GCFC2: variants seen among roughly 807,000 people sequenced by gnomAD.
GCFC2 encodes GC-rich sequence DNA-binding factor 2.
In GCFC2, 102 loss-of-function variants were observed where a neutral mutation model predicts 99.4. The ratio of observed to expected loss-of-function variants is 1.03; its 90% CI spans 0.87 to 1.21. The LOEUF (loss-of-function observed/expected upper bound fraction) is 1.21, where lower values mean the gene tolerates loss of function less well. Ranked by LOEUF, GCFC2 falls within the 50% of genes most tolerant of loss-of-function variation. GCFC2 has a pLI of 0.00. For synonymous variants in GCFC2, 338 were observed against 316.8 expected (o/e 1.07, Z -0.71); for missense variants, 973 against 920.9 (o/e 1.06, Z -0.73).
chr2:75,671,898 T>C lies in GCFC2; in HGVS notation c.1956+52A>G, dbSNP rs1025057513. 2.0e-5 allele frequency: 17 copies of C among 850,180 alleles called. No homozygotes were observed. In the Admixed American group the frequency reaches 2.4e-4, roughly 12 times the overall value. 52.7% of individuals were successfully genotyped at this position (850,180 alleles called of 1,614,324 possible). On this transcript the variant is annotated intron_variant, in intron 14 of 16. Coordinates refer to ENST00000321027, the MANE Select transcript of GCFC2 (RefSeq NM_003203.5). ...AAGTTTGTTGTTCTTTGTTCTATAG[T>C]AAACAGGATTTTTACAAAAATTGCC...
intron 15 of GCFC2, among the ~76,000 whole-genome samples, chr2:75,668,417 C>G (rs1678945620): frequency 6.6e-6 from 1 of 152,180 alleles, no homozygotes. Context: ...TTGCTACAAC[C>G]TTTTCCCTGT....
At chr2:75,667,687 T>A (rs1044822038) in intron 15 of GCFC2, among the ~76,000 whole-genome samples, 2 of 152,190 alleles carry the variant, frequency 1.3e-5, no homozygotes, top group African/African-American at 4.8e-5. Context: ...AAATTCTCAT[T>A]TAACCATGTA....
At chr2:75,688,206 A>C (rs1017340521) in intron 10 of GCFC2, among the ~76,000 whole-genome samples, 1 of 152,208 alleles carries the variant, frequency 6.6e-6, no homozygotes, top group Non-Finnish European at 1.5e-5. Context: ...ATTCAATCAC[A>C]CAACAAACAC....
chr2:75,682,297 G>A (rs1017504645), intron 11 of GCFC2, among the ~76,000 whole-genome samples: 8 of 151,872 alleles, frequency 5.3e-5, no homozygotes, highest in Non-Finnish European at 7.4e-5. Flanking sequence ...TGATACCCAG[G>A]CAAACAGGGT....
chr2:75,664,432 G>A lies in GCFC2; in HGVS notation c.*234C>T, dbSNP rs1385083127. On this transcript the variant is annotated 3_prime_UTR_variant, in exon 17 of 17. Coordinates refer to ENST00000321027, the MANE Select transcript of GCFC2 (RefSeq NM_003203.5). ...AGCCAAAAGAATCAAAGGGAAACAC[G>A]TTGAGCTCTTAAAGCTCCAGTGCAT... 7.5e-6 allele frequency: 2 copies of A among 268,428 alleles called. No homozygotes were observed. Among genetic ancestry groups the A allele is most frequent in the Non-Finnish European group, 6.9e-6 (1 of 144,104 alleles). 16.6% of individuals were successfully genotyped at this position (268,428 alleles called of 1,614,324 possible).
At chr2:75,682,941 A>T (rs1269689314) in intron 11 of GCFC2, among the ~76,000 whole-genome samples, 1 of 151,906 alleles carries the variant, frequency 6.6e-6, no homozygotes, top group Non-Finnish European at 1.5e-5. Flanking sequence ...ATATGGGACT[A>T]TGTGAAAAGA....
chr2:75,665,851 A>C, intron 16 of GCFC2, 78 bp downstream of exon 16: 1 of 890,812 alleles, frequency 1.1e-6, no homozygotes, highest in African/African-American at 1.7e-5. Context: ...GTAAAAATAC[A>C]AATCTTTCTA....
chr2:75,697,401 A>G (rs927958028), intron 4 of GCFC2, among the ~76,000 whole-genome samples: 5 of 152,226 alleles, frequency 3.3e-5, no homozygotes, highest in African/African-American at 9.6e-5. Flanking sequence ...AACACTCTTG[A>G]TATTTTGCAG....
At chr2:75,668,398 T>C (rs1439512731) in intron 15 of GCFC2, among the ~76,000 whole-genome samples, 1 of 152,100 alleles carries the variant, frequency 6.6e-6, no homozygotes, top group East Asian at 1.9e-4. Context: ...TTTCAGTTGG[T>C]CTGGTGAGTT....
upstream of GCFC2, chr2:75,710,924 C>G (rs1010528686): frequency 6.4e-6 from 9 of 1,400,752 alleles, no homozygotes; most frequent in Non-Finnish European, 8.3e-6. Context: ...GTGCCCGCCC[C>G]CTAGGGCGCG....
chr2:75,681,795 G>A (rs9973529), intron 11 of GCFC2, among the ~76,000 whole-genome samples: 10,965 of 151,824 alleles, frequency 0.072, 1,480 homozygotes, highest in African/African-American at 0.25. Flanking sequence ...TTCAGTAGCC[G>A]GTTTATGCCT....
Position 75,702,388 on chromosome 2 carries a change from G to A in GCFC2, c.430C>T (p.Arg144Cys), listed in dbSNP as rs143731049. ...GCCCTGGCCAATTCACGTTTTCTGC[G>A]GGCTGCCTGAATAAAAGCTGCATCT... ...IPDAAFIQAA[R>C]RKRELARAQD... Residue 144 changes from arginine (R) to cysteine (C), a missense_variant, in exon 3 of 17, where the codon CGC becomes TGC. By Grantham distance (180) the Arg-to-Cys change is radical. Coordinates refer to ENST00000321027, the MANE Select transcript of GCFC2 (RefSeq NM_003203.5). 83 of 1,612,792 alleles carry A rather than the reference G, an allele frequency of 5.1e-5. No individual in the cohort carries two copies. Among genetic ancestry groups the A allele is most frequent in the African/African-American group, 4.4e-4 (33 of 74,848 alleles).
intron 16 of GCFC2, 137 bp from the exon 17 acceptor site, chr2:75,664,920 C>T (rs1332280121): frequency 6.7e-6 from 4 of 595,466 alleles, no homozygotes; most frequent in Non-Finnish European, 3.0e-6. Context: ...GCATAAAACA[C>T]AGAGAGATGC....
chr2:75,668,932 G>A (rs925853765), intron 15 of GCFC2, among the ~76,000 whole-genome samples: 17 of 152,148 alleles, frequency 1.1e-4, no homozygotes, highest in African/African-American at 3.4e-4. Context: ...ACAGTGAATG[G>A]TGCCCCTGCA....
At chr2:75,700,781 G>A (rs1329513499) in intron 4 of GCFC2, among the ~76,000 whole-genome samples, 1 of 152,178 alleles carries the variant, frequency 6.6e-6, no homozygotes, top group Non-Finnish European at 1.5e-5. Flanking sequence ...CCTGGAAAGT[G>A]CAAACATGAC....
At chr2:75,677,488 A>T (rs1295601888) in intron 12 of GCFC2, among the ~76,000 whole-genome samples, 1 of 152,198 alleles carries the variant, frequency 6.6e-6, no homozygotes, top group Non-Finnish European at 1.5e-5. Flanking sequence ...AAGACCGGGG[A>T]GTGCTACTGC....
Position 75,665,941 on chromosome 2 carries a change from C to G in GCFC2, c.2216G>C (p.Arg739Thr), listed in dbSNP as rs950086376. Residue 739 changes from arginine (R) to threonine (T), a missense_variant, in exon 16 of 17, where the codon AGA (arginine) becomes ACA (threonine). Coordinates refer to ENST00000321027, the MANE Select transcript of GCFC2 (RefSeq NM_003203.5). The stretch of plus-strand genomic sequence containing the variant: ...AAATATGCATTACCTGAATTCACTT[C>G]TAGATAATTTATGTGCAGACTGCAA... ...FLLQSAHKLS[R>T]SEFRDEVEEI... The G allele has an allele frequency of 6.3e-7, 1 of 1,589,530 alleles. No homozygotes were observed. Among genetic ancestry groups the G allele is most frequent in the African/African-American group, 1.3e-5 (1 of 74,208 alleles).
intron 1 of GCFC2, chr2:75,710,384 G>A: frequency 2.5e-6 from 3 of 1,212,298 alleles, no homozygotes; most frequent in Non-Finnish European, 3.2e-6. Context: ...TTCCCCCAAG[G>A]AGTCCAAAAG....
chr2:75,670,964 CCT>C lies in GCFC2; in HGVS notation c.1957-682_1957-681del, dbSNP rs528754777. On this transcript the variant is annotated intron_variant, in intron 14 of 16. Coordinates refer to ENST00000321027, the MANE Select transcript of GCFC2 (RefSeq NM_003203.5). Reference sequence around the variant, plus strand: ...TTCCCTCTTCCCAGAAAGCCTTTTCCCTGATTCAACCACATGACAAATATTAA... The same window carrying C: ...TTCCCTCTTCCCAGAAAGCCTTTTCCGATTCAACCACATGACAAATATTAA... Among the ~76,000 whole-genome samples the C allele has an allele frequency of 3.3e-5, 5 of 152,210 alleles. No individual in the cohort carries two copies. In the South Asian group the frequency reaches 1.0e-3, roughly 32 times the overall value.
Sources: gnomAD v4.1 joint callset for allele counts (sites outside exome capture counted in the v4.1 genomes callset) on GRCh38, gnomAD v4.1.1 for gene constraint, MANE v1.5 for transcripts, NCBI Gene and HGNC (gene_info 2026-07-23, HGNC 2026-07-21) for gene names.